The following ZNF782 variants were observed in gnomAD, a reference collection of about 807,000 sequenced individuals.
ZNF782 encodes the protein zinc finger protein 782.
A neutral mutation model predicts 13.0 loss-of-function variants in ZNF782; 12 were observed. The observed-to-expected ratio is 0.92, with a 90% confidence interval of 0.59 to 1.50. The LOEUF is 1.50. ZNF782 is among the 40% of genes most tolerant of loss of function. The probability of loss-of-function intolerance (pLI) is 0.00; values close to 1 mark genes in which losing one functional copy is unlikely to be tolerated. For synonymous variants in ZNF782, 284 were observed against 283.0 expected, an observed-to-expected ratio of 1.00 and a Z score of -0.04; for missense variants, 770 against 822.9, an observed-to-expected ratio of 0.94 and a Z score of 0.79.
At chr9:96,903,624 G>A in the ZNF782 span, among the ~76,000 whole-genome samples, 223 of 137,244 alleles carry the variant, frequency 1.6e-3, 1 homozygote, top group African/African-American at 5.7e-3. Flanking sequence ...GTGCAGTGGC[G>A]CAATCTCGGC....
intron 4 of ZNF782, among the ~76,000 whole-genome samples, chr9:96,833,563 CTCA>C (rs1273536079): frequency 1.3e-5 from 2 of 152,214 alleles, no homozygotes; most frequent in African/African-American, 4.8e-5. Flanking sequence ...CTCATCACAT[CTCA>C]TCAAGGGAAT....
chr9:96,875,704 C>T, upstream of ZNF782: 1 of 415,396 alleles, frequency 2.4e-6, no homozygotes, highest in South Asian at 1.7e-5. Context: ...CTGGGGTCCC[C>T]CCGGGCTTCC....
intron 4 of ZNF782, 50 bp from the exon 5 acceptor site, chr9:96,827,231 T>G: frequency 7.5e-7 from 1 of 1,334,256 alleles, no homozygotes; most frequent in Non-Finnish European, 1.0e-6. Flanking sequence ...TAGGTTCTAC[T>G]GTTTCTGAAT....
intron 1 of ZNF782, among the ~76,000 whole-genome samples, chr9:96,868,521 T>C (rs1211310761): frequency 6.6e-6 from 1 of 152,268 alleles, no homozygotes; most frequent in Non-Finnish European, 1.5e-5. Context: ...CCTTGAATCC[T>C]TTCATGTTTT....
chr9:96,877,055 T>C (rs1031683683), upstream of ZNF782, among the ~76,000 whole-genome samples: 1 of 151,732 alleles, frequency 6.6e-6, no homozygotes, highest in Non-Finnish European at 1.5e-5. Context: ...ACTTAAACTT[T>C]ACATGAGCAC....
intron 5 of ZNF782, among the ~76,000 whole-genome samples, chr9:96,821,586 T>C (rs1448746257): frequency 6.6e-6 from 1 of 152,150 alleles, no homozygotes; most frequent in Non-Finnish European, 1.5e-5. Flanking sequence ...ATCATTCAAA[T>C]TAGGAAGCAT....
At chr9:96,841,520 T>C (rs759006541) in intron 4 of ZNF782, among the ~76,000 whole-genome samples, 36 of 151,960 alleles carry the variant, frequency 2.4e-4, no homozygotes, top group Non-Finnish European at 2.7e-4. Context: ...AAAAGAATTC[T>C]ATGACATTAC....
the ZNF782 span, among the ~76,000 whole-genome samples, chr9:96,920,871 C>T: frequency 2.7e-5 from 4 of 147,854 alleles, 1 homozygote; most frequent in African/African-American, 7.8e-5. Context: ...GCCAAGATCT[C>T]GCTACTGCAC....
At chr9:96,867,997 C>T (rs144883534) in intron 1 of ZNF782, among the ~76,000 whole-genome samples, 1 of 152,284 alleles carries the variant, frequency 6.6e-6, no homozygotes, top group Non-Finnish European at 1.5e-5. Flanking sequence ...AACAAAAAAA[C>T]ACTGCCTATT....
the ZNF782 span, among the ~76,000 whole-genome samples, chr9:96,880,739 T>C: frequency 6.6e-6 from 1 of 152,188 alleles, no homozygotes; most frequent in Non-Finnish European, 1.5e-5. Flanking sequence ...AATTGGTCTA[T>C]AGTTTTCCTT....
At chr9:96,872,569 T>G (rs1008961109) in intron 1 of ZNF782, among the ~76,000 whole-genome samples, 2 of 152,258 alleles carry the variant, frequency 1.3e-5, no homozygotes, top group Middle Eastern at 6.8e-3. Flanking sequence ...TTTTTAACTC[T>G]TCTATTCACA....
intron 1 of ZNF782, among the ~76,000 whole-genome samples, chr9:96,868,907 T>C (rs1783384092): frequency 6.6e-6 from 1 of 152,168 alleles, no homozygotes; most frequent in Admixed American, 6.5e-5. Context: ...CAGGCTTGAG[T>C]TGGGAAACCA....
At chr9:96,880,702 A>G in the ZNF782 span, among the ~76,000 whole-genome samples, 2 of 152,130 alleles carry the variant, frequency 1.3e-5, no homozygotes, top group East Asian at 3.8e-4. Flanking sequence ...TATTTGTTGT[A>G]AACTTTGTGT....
chr9:96,837,599 T>G (rs565219120), intron 4 of ZNF782, among the ~76,000 whole-genome samples: 2 of 152,356 alleles, frequency 1.3e-5, no homozygotes, highest in African/African-American at 4.8e-5. Context: ...TTCTTTAGTT[T>G]CTTAAGACGT....
At chr9:96,882,822 C>T in the ZNF782 span, among the ~76,000 whole-genome samples, 1 of 152,172 alleles carries the variant, frequency 6.6e-6, no homozygotes, top group Non-Finnish European at 1.5e-5. Context: ...ACTGTGGCCT[C>T]AAAAGACTAG....
chr9:96,828,730 C>T (rs980434826), intron 4 of ZNF782, among the ~76,000 whole-genome samples: 1 of 152,026 alleles, frequency 6.6e-6, no homozygotes, highest in Admixed American at 6.6e-5. Context: ...ATGTAATCAG[C>T]ATTCCAGAAG....
upstream of ZNF782, among the ~76,000 whole-genome samples, chr9:96,859,191 G>C (rs1039319495): frequency 3.3e-5 from 5 of 152,152 alleles, no homozygotes; most frequent in African/African-American, 1.2e-4. Context: ...AAACCTGAAA[G>C]GCTGTCTAAG....
intron 3 of ZNF782, among the ~76,000 whole-genome samples, chr9:96,848,671 A>G (rs1851408599): frequency 6.6e-6 from 1 of 152,238 alleles, no homozygotes; most frequent in Admixed American, 6.5e-5. Context: ...GCTGAAAGAA[A>G]TCACAGGTGA....
Position 96,819,356 on chromosome 9 carries a change from C to A in ZNF782, c.667G>T (p.Ala223Ser). ...QDFEYNESRK[A>S]FLEKAALVTS... ...ACAAGGGCAGCCTTTTCAAGAAAAG[C>A]TTTTCTACTTTCATTATATTCAAAA... The change falls in exon 6 of 6, where the codon GCT becomes TCT. Residue 223 changes from alanine (A) to serine (S), a missense_variant. Ala to Ser is a moderately conservative substitution (Grantham distance 99). Coordinates refer to ENST00000481138, the MANE Select transcript of ZNF782 (RefSeq NM_001001662.3). 2 of 1,600,282 alleles carry A rather than the reference C, an allele frequency of 1.2e-6. No individual in the cohort carries two copies.
Sources: allele counts gnomAD v4.1 joint callset (sites outside exome capture counted in the v4.1 genomes callset), GRCh38; gene constraint gnomAD v4.1.1; transcripts MANE v1.5; gene names NCBI Gene and HGNC (gene_info 2026-07-23, HGNC 2026-07-21).